KIAA1549: variants seen among roughly 807,000 people sequenced by gnomAD.
KIAA1549 encodes the protein KIAA1549.
KIAA1549 carries 70 observed loss-of-function variants against 156.4 expected under a neutral mutation model. The ratio of observed to expected loss-of-function variants is 0.45; its 90% CI spans 0.37 to 0.55. The LOEUF (loss-of-function observed/expected upper bound fraction) is 0.55, where lower values mean the gene tolerates loss of function less well. KIAA1549 is among the 20% of genes least tolerant of loss of function. KIAA1549 has a pLI of 0.00. For synonymous variants in KIAA1549, 1,103 were observed against 1,066.4 expected (o/e 1.03, Z -0.67); for missense variants, 2,428 against 2,540.9 (o/e 0.96, Z 0.96).
rs1344096535 is a variant in KIAA1549 at position 138,868,108 on chromosome 7, G to A, written c.4796C>T (p.Pro1599Leu). The change falls in exon 15 of 20, where the codon CCC becomes CTC. Residue 1599 changes from proline (P) to leucine (L), a missense_variant. Pro to Leu is a moderately conservative substitution (Grantham distance 98, BLOSUM62 -3). This residue lies in a region of KIAA1549 where 404 missense variants were observed against 417.0 expected (regional missense o/e 0.97). Transcript: ENST00000422774. ...GACCTGGTGTTTCCGGCGAGGCTTG[G>A]GAGAACGTTTTATCCGTGAGCTGCC... ...PRKSSRIKRS[P>L]KPRRKHQVNG... 6.2e-7 allele frequency: 1 copy of A among 1,613,546 alleles called. No homozygotes were observed. Among genetic ancestry groups the A allele is most frequent in the Non-Finnish European group, 8.5e-7 (1 of 1,179,776 alleles).
At chr7:138,885,113 T>C (rs1489253534) in intron 10 of KIAA1549, among the ~76,000 whole-genome samples, 1 of 151,716 alleles carries the variant, frequency 6.6e-6, no homozygotes, top group Non-Finnish European at 1.5e-5. Flanking sequence ...GAGAATAGCT[T>C]GAACCAGGGA....
intron 1 of KIAA1549, among the ~76,000 whole-genome samples, chr7:138,972,444 A>T (rs1814247877): frequency 7.3e-6 from 1 of 136,548 alleles, no homozygotes; most frequent in Admixed American, 8.2e-5. Context: ...CCACTGCTCC[A>T]GCCACGGTTC....
At position 138,906,778 on chromosome 7, in the gene KIAA1549, C is replaced by G. The variant is rs1213207804; in HGVS notation, c.3460+141G>C. On this transcript the variant is annotated intron_variant, in intron 6 of 19. Coordinates refer to ENST00000422774, the MANE Select transcript of KIAA1549 (RefSeq NM_001164665.2). ...ATAACTTACTCGTGCAACCAAATAC[C>G]ACCTGTACCCCAACGCCTTATGGAA... The G allele has an allele frequency of 6.8e-6, 4 of 589,516 alleles. No homozygotes were observed. The African/African-American group carries it at 7.5e-5, about 11-fold the overall frequency. The allele number at this position is 589,516 out of a possible 1,614,324, so 36.5% of individuals were successfully genotyped here.
In KIAA1549 at chr7:138,918,739, C is replaced by T. The variant is rs1038032360; in HGVS notation, c.887G>A (p.Gly296Asp). ...RSLMPQPLGD[G>D]ITIPLPSLGE... ...CAAGGAGGGCAACGGTATAGTAATGCCGTCGCCTAACGGCTGTGGCATTAA... is the reference window on the plus strand; with the variant it reads ...CAAGGAGGGCAACGGTATAGTAATGTCGTCGCCTAACGGCTGTGGCATTAA... Residue 296 changes from glycine (G) to aspartate (D), a missense_variant, in exon 2 of 20, where the codon GGC becomes GAC. Gly to Asp is a moderately conservative substitution (Grantham distance 94). This residue lies in a region of KIAA1549 where 893 missense variants were observed against 847.9 expected (regional missense o/e 1.05). Coordinates refer to ENST00000422774, the MANE Select transcript of KIAA1549 (RefSeq NM_001164665.2). This position sits in a 1 kb window ranked among gnomAD's most constrained non-coding sequence, Gnocchi z 4.2. 1 of 1,613,798 alleles carries T rather than the reference C, an allele frequency of 6.2e-7. No individual in the cohort carries two copies. Among genetic ancestry groups the T allele is most frequent in the Non-Finnish European group, 8.5e-7 (1 of 1,179,858 alleles).
At chr7:138,891,151 G>A (rs1421220176) in intron 10 of KIAA1549, among the ~76,000 whole-genome samples, 1 of 152,230 alleles carries the variant, frequency 6.6e-6, no homozygotes, top group Non-Finnish European at 1.5e-5. Context: ...CTAAAGCCCT[G>A]GAATGCAGAG....
rs1056618266 is a variant in KIAA1549 at position 138,844,325 on chromosome 7, C to A, written c.5444G>T (p.Gly1815Val). 2.7e-5 allele frequency: 44 copies of A among 1,613,726 alleles called. No homozygotes were observed. The highest frequency in any genetic ancestry group is 3.6e-5 in the Non-Finnish European group (43 of 1,179,856). ...PSVARPRPVG[G>V]TTGSQIQHLT... ...TAAACAGCCACATATACCTGTGGTACCCCCGACAGGCCGAGGCCGGGCCAC... is the reference window on the plus strand; with the variant it reads ...TAAACAGCCACATATACCTGTGGTAACCCCGACAGGCCGAGGCCGGGCCAC... The change falls in exon 18 of 20, where the codon GGT (glycine) becomes GTT (valine). Residue 1815 changes from glycine to valine, a missense_variant. Physicochemically the swap from Gly to Val is moderately radical, Grantham distance 109. This residue lies in a region of KIAA1549 where 363 missense variants were observed against 354.0 expected (regional missense o/e 1.03). Transcript: ENST00000422774.
At chr7:138,881,156 T>C (rs1307512341) in intron 11 of KIAA1549, among the ~76,000 whole-genome samples, 8 of 152,212 alleles carry the variant, frequency 5.3e-5, no homozygotes, top group African/African-American at 1.7e-4. Context: ...AGATAGTGAT[T>C]CATGATCTTC....
At chr7:138,945,814 T>C (rs910646963) in intron 1 of KIAA1549, among the ~76,000 whole-genome samples, 1 of 152,076 alleles carries the variant, frequency 6.6e-6, no homozygotes, top group Admixed American at 6.5e-5. Context: ...GTAATCCTAG[T>C]AGTTTGGAGG....
In KIAA1549 at chr7:138,836,169, A is replaced by T; in HGVS notation, c.*1737T>A. 4.8e-6 allele frequency: 1 copy of T among 209,524 alleles called. No homozygotes were observed. Among genetic ancestry groups the T allele is most frequent in the Non-Finnish European group, 9.7e-6 (1 of 103,138 alleles). 13.0% of individuals were successfully genotyped at this position (209,524 alleles called of 1,614,324 possible). ...TTATCTGTTATTTAATGAAAAGTAC[A>T]GTCATGCACACATCAGGATGTTTTG... is the stretch of plus-strand genomic sequence containing the variant. On this transcript the variant is annotated 3_prime_UTR_variant, in exon 20 of 20. Transcript: ENST00000422774.
intron 1 of KIAA1549, among the ~76,000 whole-genome samples, chr7:138,954,622 C>T (rs948139793): frequency 6.6e-5 from 10 of 152,104 alleles, no homozygotes; most frequent in African/African-American, 1.4e-4. Context: ...CCCCTCCCCC[C>T]ACAACAATGC....
At chr7:138,860,010 C>T (rs773742044) in intron 16 of KIAA1549, among the ~76,000 whole-genome samples, 25 of 152,178 alleles carry the variant, frequency 1.6e-4, no homozygotes, top group Non-Finnish European at 2.6e-4. Context: ...AGAGTGCCTG[C>T]GACACAGCAG....
chr7:138,905,985 C>A (rs756277258), intron 6 of KIAA1549, among the ~76,000 whole-genome samples: 1 of 152,184 alleles, frequency 6.6e-6, no homozygotes, highest in Non-Finnish European at 1.5e-5. Context: ...AACTTTCCTG[C>A]GGCCCTTAAG....
chr7:138,910,861 T>TA (rs1003976202), intron 4 of KIAA1549, among the ~76,000 whole-genome samples: 13 of 149,758 alleles, frequency 8.7e-5, no homozygotes, highest in East Asian at 7.8e-4. Flanking sequence ...ATACCTGGCC[T>TA]AAAAAAAAAT....
chr7:138,977,655 A>AAC (rs10625706), intron 1 of KIAA1549, among the ~76,000 whole-genome samples: 11,565 of 146,838 alleles, frequency 0.079, 541 homozygotes, highest in Admixed American at 0.17. Flanking sequence ...TACTCAAGAA[A>AAC]ACACACACAC....
chr7:138,971,272 C>T (rs1222406863), intron 1 of KIAA1549, among the ~76,000 whole-genome samples: 2 of 152,184 alleles, frequency 1.3e-5, no homozygotes, highest in East Asian at 1.9e-4. Context: ...GATCCCCCCA[C>T]GCTGCTGTCC....
In KIAA1549 at chr7:138,855,245, G is replaced by A. The variant is rs144708809; in HGVS notation, c.5248-2976C>T. Among the ~76,000 whole-genome samples the A allele has an allele frequency of 5.2e-3, 792 of 152,288 alleles. 8 individuals are homozygous for A. Among genetic ancestry groups the A allele is most frequent in the African/African-American group, 0.018 (757 of 41,550 alleles). Reference sequence around the variant, plus strand: ...CAAGACAAGCTAAGCTAAGAGGCTCGTGGTAGGTCTTCCTCCTCTTTTCCA... The same window carrying A: ...CAAGACAAGCTAAGCTAAGAGGCTCATGGTAGGTCTTCCTCCTCTTTTCCA... On this transcript the variant is annotated intron_variant, in intron 16 of 19. Coordinates refer to ENST00000422774, the MANE Select transcript of KIAA1549 (RefSeq NM_001164665.2).
chr7:138,910,224 A>G (rs908367463), intron 4 of KIAA1549, among the ~76,000 whole-genome samples: 1 of 151,932 alleles, frequency 6.6e-6, no homozygotes, highest in Non-Finnish European at 1.5e-5. Context: ...AATTTCCCAT[A>G]ATTATAAACA....
intron 17 of KIAA1549, among the ~76,000 whole-genome samples, chr7:138,850,574 T>C (rs1009234819): frequency 5.3e-5 from 8 of 152,198 alleles, no homozygotes; most frequent in Admixed American, 5.2e-4. Flanking sequence ...TTATAGATGC[T>C]GGATATTAAA....
intron 10 of KIAA1549, among the ~76,000 whole-genome samples, chr7:138,884,971 G>A (rs1486700401): frequency 1.3e-5 from 2 of 152,248 alleles, no homozygotes; most frequent in African/African-American, 4.8e-5. Flanking sequence ...TGAGCCGGGT[G>A]GATCATCTAA....
Sources: allele counts gnomAD v4.1 joint callset (sites outside exome capture counted in the v4.1 genomes callset), GRCh38; gene constraint gnomAD v4.1.1; regional missense constraint gnomAD v4.1.1; non-coding constraint Gnocchi (gnomAD v3.1); transcripts MANE v1.5; gene names NCBI Gene and HGNC (gene_info 2026-07-23, HGNC 2026-07-21).